The following DCDC1 variants were observed in gnomAD, a reference collection of about 807,000 sequenced individuals.
The protein encoded by DCDC1 is doublecortin domain-containing protein 1.
A neutral mutation model predicts 178.3 loss-of-function variants in DCDC1; 200 were observed. The observed-to-expected ratio is 1.12, with a 90% CI of 1.00 to 1.26. DCDC1 has a LOEUF of 1.26. Ranked by LOEUF, DCDC1 falls within the 50% of genes most tolerant of loss-of-function variation. DCDC1 has a pLI of 0.00. For synonymous variants in DCDC1, 690 were observed against 604.8 expected (o/e 1.14, Z -2.07); for missense variants, 1,983 against 1,749.2 (o/e 1.13, Z -2.38).
intron 17 of DCDC1, among the ~76,000 whole-genome samples, chr11:31,080,713 C>A (rs569783142): frequency 6.6e-6 from 1 of 152,178 alleles, no homozygotes; most frequent in African/African-American, 2.4e-5. Context: ...TGCTGTAATG[C>A]TTTGATAGAA....
At chr11:31,192,984 C>T (rs1277647870) in intron 9 of DCDC1, among the ~76,000 whole-genome samples, 1 of 152,048 alleles carries the variant, frequency 6.6e-6, no homozygotes, top group Non-Finnish European at 1.5e-5. Flanking sequence ...CCATCTTCTC[C>T]TGCTCTCGGA....
intron 9 of DCDC1, among the ~76,000 whole-genome samples, chr11:31,148,896 G>T (rs208101): frequency 0.6 from 90,003 of 150,564 alleles, 27,195 homozygotes; most frequent in East Asian, 0.93. Context: ...CCTCACCCCC[G>T]CCCAACTTCC....
intron 9 of DCDC1, among the ~76,000 whole-genome samples, chr11:31,234,984 T>A (rs944105337): frequency 2.0e-5 from 3 of 152,188 alleles, no homozygotes; most frequent in Non-Finnish European, 4.4e-5. Context: ...ATTTGTCAGG[T>A]CTACTTTCAA....
intron 20 of DCDC1, among the ~76,000 whole-genome samples, chr11:31,027,259 A>G (rs1953302042): frequency 6.6e-6 from 1 of 151,862 alleles, no homozygotes; most frequent in Non-Finnish European, 1.5e-5. Flanking sequence ...CTGTTTCCTT[A>G]TAGTCAAATG....
chr11:31,174,384 C>A (rs1967693391), intron 9 of DCDC1, among the ~76,000 whole-genome samples: 1 of 152,202 alleles, frequency 6.6e-6, no homozygotes, highest in South Asian at 2.1e-4. Flanking sequence ...CCACCTTGGG[C>A]CCCTCTGGAC....
intron 20 of DCDC1, among the ~76,000 whole-genome samples, chr11:30,994,026 T>A (rs1472126457): frequency 6.6e-6 from 1 of 152,102 alleles, no homozygotes; most frequent in Non-Finnish European, 1.5e-5. Context: ...ATATTCCTCA[T>A]GGACATAGAT....
chr11:30,908,584 G>T (rs879416075), intron 29 of DCDC1, among the ~76,000 whole-genome samples: 4 of 152,156 alleles, frequency 2.6e-5, no homozygotes, highest in Non-Finnish European at 5.9e-5. Context: ...GATTCATACG[G>T]AGGTGAAGTA....
At chr11:30,943,530 T>G (rs998805748) in intron 21 of DCDC1, 16 of 375,458 alleles carry the variant, frequency 4.3e-5, no homozygotes, top group Middle Eastern at 3.6e-4. Flanking sequence ...CTTTTTAATC[T>G]TACTTTTTAC....
intron 8 of DCDC1, among the ~76,000 whole-genome samples, chr11:31,257,992 A>C (rs189969418): frequency 2.0e-5 from 3 of 152,304 alleles, no homozygotes; most frequent in Admixed American, 6.5e-5. Flanking sequence ...ATAAATTTAT[A>C]GTAAGAGCAA....
chr11:31,223,757 A>T lies in DCDC1; in HGVS notation c.1221+17693T>A, dbSNP rs573286699. On this transcript the variant is annotated intron_variant, in intron 9 of 38. Transcript: ENST00000684477. ...GTTGCAAGTGCAGAGTGACATGTAT[A>T]GTATATCATTTATATAAAGTACAAA... 3.3e-5 allele frequency among the ~76,000 whole-genome samples: 5 copies of T among 152,300 alleles called. No homozygotes were observed. The South Asian group carries it at 8.3e-4, about 25-fold the overall frequency.
intron 37 of DCDC1, among the ~76,000 whole-genome samples, chr11:30,880,517 C>A (rs772953285): frequency 1.3e-5 from 2 of 152,104 alleles, no homozygotes; most frequent in Non-Finnish European, 2.9e-5. Context: ...GGATGCCAGG[C>A]AATTCATTAC....
chr11:31,065,628 G>C (rs1197214917), intron 18 of DCDC1, among the ~76,000 whole-genome samples: 1 of 152,190 alleles, frequency 6.6e-6, no homozygotes, highest in Non-Finnish European at 1.5e-5. Context: ...ACACAAGGTA[G>C]AGCATATGTC....
chr11:31,328,546 C>T (rs1394317089), intron 2 of DCDC1, among the ~76,000 whole-genome samples: 3 of 152,026 alleles, frequency 2.0e-5, no homozygotes, highest in South Asian at 2.1e-4. Flanking sequence ...CACCTGTAAT[C>T]CCAGCACTTT....
At chr11:31,306,835 T>A (rs184989516) in intron 4 of DCDC1, among the ~76,000 whole-genome samples, 84 of 152,210 alleles carry the variant, frequency 5.5e-4, no homozygotes, top group Admixed American at 1.2e-3. Flanking sequence ...TTAACTTTTT[T>A]AAAAAATGTT....
intron 38 of DCDC1, among the ~76,000 whole-genome samples, chr11:30,878,324 A>C (rs1166640447): frequency 6.6e-6 from 1 of 151,980 alleles, no homozygotes; most frequent in Non-Finnish European, 1.5e-5. Context: ...GTAGTGGTGC[A>C]TGACTGTAGT....
At chr11:31,365,286 T>A (rs1951903111) in intron 1 of DCDC1, among the ~76,000 whole-genome samples, 1 of 152,170 alleles carries the variant, frequency 6.6e-6, no homozygotes, top group Non-Finnish European at 1.5e-5. Flanking sequence ...TTGGTGGTTT[T>A]TCTATCTTCC....
intron 9 of DCDC1, among the ~76,000 whole-genome samples, chr11:31,238,757 G>A (rs1186561152): frequency 6.6e-6 from 1 of 152,102 alleles, no homozygotes; most frequent in Non-Finnish European, 1.5e-5. Flanking sequence ...CAATTTCCAA[G>A]ATGCTTCCAC....
intron 20 of DCDC1, among the ~76,000 whole-genome samples, chr11:31,037,558 A>G (rs1354051040): frequency 6.7e-6 from 1 of 149,626 alleles, no homozygotes. Context: ...CAGCCTCCCC[A>G]GTAGCTGGGA....
At chr11:30,918,411 G>C (rs1186980855) in intron 25 of DCDC1, among the ~76,000 whole-genome samples, 1 of 152,152 alleles carries the variant, frequency 6.6e-6, no homozygotes, top group African/African-American at 2.4e-5. Context: ...TGCTCACGGA[G>C]TTTACATTCT....
Sources: gnomAD v4.1 joint callset for allele counts (sites outside exome capture counted in the v4.1 genomes callset) on GRCh38, gnomAD v4.1.1 for gene constraint, MANE v1.5 for transcripts, NCBI Gene and HGNC (gene_info 2026-07-23, HGNC 2026-07-21) for gene names.